Variants in LAMC3 observed in about 807,000 individuals in gnomAD.
The protein encoded by LAMC3 is laminin subunit gamma-3.
LAMC3 carries 128 observed loss-of-function variants against 173.8 expected under a neutral mutation model. That is an observed-to-expected ratio of 0.74 (90% CI 0.64 to 0.85). The LOEUF (loss-of-function observed/expected upper bound fraction) is 0.85. Among genes scored for constraint, LAMC3 ranks in the 40% least tolerant of loss-of-function variants. LAMC3 has a pLI of 0.00. For missense variants in LAMC3, 2,022 were observed against 2,156.0 expected, an observed-to-expected ratio of 0.94 and a Z score of 1.23; for synonymous variants, 897 against 909.1, an observed-to-expected ratio of 0.99 and a Z score of 0.24.
In LAMC3 at chr9:131,061,035, G is replaced by A. The variant is rs980868586; in HGVS notation, c.2159G>A (p.Gly720Glu). 4 of 1,613,964 alleles carry A rather than the reference G, an allele frequency of 2.5e-6. No homozygotes were observed. The Admixed American group carries it at 5.0e-5, about 20-fold the overall frequency. ...NQHGTCDPNT[G>E]ICVCSHHTEG... is the part of the protein sequence containing the mutation. ...CAGTGGTGCTTGTCTTGCCCCTCAG[G>A]GATCTGTGTCTGCAGCCACCATACC... The change falls in exon 13 of 28, where the codon GGG (glycine) becomes GAG (glutamate). Residue 720 changes from glycine to glutamate, a missense_variant and splice_region_variant. Gly to Glu is a moderately conservative substitution (Grantham distance 98). Transcript: ENST00000361069.
At chr9:131,087,838 G>A (rs1209778692) in intron 27 of LAMC3, 21 bp downstream of exon 27, 2 of 1,605,706 alleles carry the variant, frequency 1.2e-6, no homozygotes, top group South Asian at 2.2e-5. Context: ...CCTAAGGCTG[G>A]GCCCTGAACC....
intron 25 of LAMC3, among the ~76,000 whole-genome samples, chr9:131,086,767 G>A (rs1355962171): frequency 6.6e-6 from 1 of 151,742 alleles, no homozygotes; most frequent in African/African-American, 2.4e-5. Context: ...GCTCGCACCT[G>A]TAGTCCTAAC....
At chr9:131,056,014 G>A (rs1834397802) in intron 11 of LAMC3, among the ~76,000 whole-genome samples, 1 of 134,592 alleles carries the variant, frequency 7.4e-6, no homozygotes, top group East Asian at 2.1e-4. Context: ...GGACAACAAG[G>A]CGAAACCGTT....
chr9:131,033,443 A>T (rs1833884139), intron 3 of LAMC3, among the ~76,000 whole-genome samples: 2 of 151,966 alleles, frequency 1.3e-5, no homozygotes, highest in Admixed American at 1.3e-4. Context: ...GGTGCTGCAG[A>T]TGGGACCCAA....
chr9:131,044,368 G>A (rs192852593), intron 7 of LAMC3, among the ~76,000 whole-genome samples: 18 of 152,140 alleles, frequency 1.2e-4, no homozygotes, highest in Non-Finnish European at 2.1e-4. Flanking sequence ...AAATTAGCCG[G>A]GCATGGTGGC....
intron 8 of LAMC3, 136 bp downstream of exon 8, chr9:131,045,796 G>C (rs897283460): frequency 8.7e-7 from 1 of 1,146,076 alleles, no homozygotes; most frequent in African/African-American, 1.5e-5. Context: ...CCTAGGTGGG[G>C]TCGGGGGTGA....
rs758574731 is a variant in LAMC3, at chr9:131,045,678, C to A, written c.1519+18C>A. 1.2e-6 allele frequency: 2 copies of A among 1,613,782 alleles called. No homozygotes were observed. Among genetic ancestry groups the A allele is most frequent in the South Asian group, 1.1e-5 (1 of 91,086 alleles). The stretch of plus-strand genomic sequence containing the variant: ...CCACCAGGGTAAGAGATGCTCCCTG[C>A]AAACGCCTCCCAAGGGTCTGCTCCC... On this transcript the variant is annotated intron_variant, in intron 8 of 27. Transcript: ENST00000361069.
chr9:131,026,177 G>A lies in LAMC3; in HGVS notation c.374-108G>A, dbSNP rs1466188851. ...TGTCCAGAGCTCCAGACAGCTTCCA[G>A]CGATCCATCCACGCTAGTGCCTGCA... On this transcript the variant is annotated intron_variant, in intron 1 of 27. Transcript: ENST00000361069. This position sits in a 1 kb window ranked among gnomAD's most constrained non-coding sequence, Gnocchi z 4.8. 6.4e-7 allele frequency: 1 copy of A among 1,555,958 alleles called. No homozygotes were observed.
intron 8 of LAMC3, among the ~76,000 whole-genome samples, chr9:131,047,633 G>A (rs1041005807): frequency 6.6e-6 from 1 of 151,332 alleles, no homozygotes; most frequent in Non-Finnish European, 1.5e-5. Context: ...GGGGGTGGGG[G>A]GAGCGGATCA....
At chr9:131,036,374 G>C (rs1399130988) in intron 4 of LAMC3, 42 bp downstream of exon 4, 7 of 1,610,152 alleles carry the variant, frequency 4.3e-6, no homozygotes, top group Non-Finnish European at 5.9e-6. Flanking sequence ...ACCCGAGGCT[G>C]GTGTTGCAGG....
intron 1 of LAMC3, among the ~76,000 whole-genome samples, chr9:131,016,310 A>G (rs1197914728): frequency 6.6e-6 from 1 of 152,140 alleles, no homozygotes; most frequent in Non-Finnish European, 1.5e-5. Context: ...AAGATGAAAG[A>G]GTTCTGGAGA....
chr9:131,022,021 G>A (rs1833634682), intron 1 of LAMC3, among the ~76,000 whole-genome samples: 1 of 152,134 alleles, frequency 6.6e-6, no homozygotes, highest in Non-Finnish European at 1.5e-5. Context: ...CATCAGCATT[G>A]CTTCCCTTGG....
intron 1 of LAMC3, among the ~76,000 whole-genome samples, chr9:131,025,675 C>T (rs1833702870): frequency 6.6e-6 from 1 of 152,122 alleles, no homozygotes; most frequent in South Asian, 2.1e-4. Context: ...GGTGAGGTAA[C>T]TTTGCAAGTA....
At chr9:131,068,018 C>T in intron 14 of LAMC3, 60 bp from the exon 15 acceptor site, 1 of 1,587,332 alleles carries the variant, frequency 6.3e-7, no homozygotes. Context: ...TGTTGGACCC[C>T]CAAAGTTGGA....
intron 1 of LAMC3, among the ~76,000 whole-genome samples, chr9:131,018,431 G>A (rs534240566): frequency 4.6e-5 from 7 of 151,898 alleles, no homozygotes; most frequent in Admixed American, 2.6e-4. Flanking sequence ...CACTGCGCCC[G>A]GCCCCCAAGA....
At chr9:131,016,089 ACACAGC>A (rs958923206) in intron 1 of LAMC3, among the ~76,000 whole-genome samples, 7 of 152,376 alleles carry the variant, frequency 4.6e-5, no homozygotes, top group African/African-American at 1.4e-4. Context: ...GGAGATTCTC[ACACAGC>A]CACAGTATAG....
At position 131,038,908 on chromosome 9, in the gene LAMC3, G is replaced by C; in HGVS notation, c.1021G>C (p.Glu341Gln). Residue 341 changes from glutamate to glutamine, a missense_variant, in exon 5 of 28, where the codon GAG (glutamate) becomes CAG (glutamine). Glu to Gln is a conservative substitution (Grantham distance 29). Transcript: ENST00000361069. Reference protein sequence around the residue: ...GRSEECTFDRELFRSTGHGGR... With the variant: ...GRSEECTFDRQLFRSTGHGGR... ...CTCCGAGGAATGCACGTTTGATCGG[G>C]AGCTCTTCCGCAGCACAGGCCACGG... 2 of 1,613,342 alleles carry C rather than the reference G, an allele frequency of 1.2e-6. No homozygotes were observed. The highest frequency in any genetic ancestry group is 1.7e-6 in the Non-Finnish European group (2 of 1,180,022).
intron 2 of LAMC3, among the ~76,000 whole-genome samples, chr9:131,031,103 C>T (rs1043752962): frequency 2.0e-5 from 3 of 152,262 alleles, no homozygotes; most frequent in Non-Finnish European, 4.4e-5. Context: ...GGTTGCCGAG[C>T]TCTCGGGGAG....
At chr9:131,090,797 C>T (rs574168122) in intron 27 of LAMC3, among the ~76,000 whole-genome samples, 11 of 152,270 alleles carry the variant, frequency 7.2e-5, no homozygotes, top group South Asian at 6.2e-4. Flanking sequence ...GAGGCTGAGG[C>T]GGGCAGATCA....
Sources: gnomAD v4.1 joint callset for allele counts (sites outside exome capture counted in the v4.1 genomes callset) on GRCh38, gnomAD v4.1.1 for gene constraint, Gnocchi (gnomAD v3.1) non-coding constraint, MANE v1.5 for transcripts, NCBI Gene and HGNC (gene_info 2026-07-23, HGNC 2026-07-21) for gene names.